Variants in PRR22 observed in about 807,000 individuals in gnomAD.
The protein encoded by PRR22 is proline rich 22.
PRR22 carries 5 observed loss-of-function variants against 7.2 expected under a neutral mutation model. The ratio of observed to expected loss-of-function variants is 0.69; its 90% CI spans 0.36 to 1.45. The LOEUF is 1.45. Ranked by LOEUF, PRR22 falls within the 40% of genes most tolerant of loss-of-function variation. The pLI is 0.03. For synonymous variants in PRR22, 319 were observed against 269.3 expected, an observed-to-expected ratio of 1.18 and a Z score of -1.81; for missense variants, 619 against 568.8, an observed-to-expected ratio of 1.09 and a Z score of -0.90.
chr19:5,783,256 G>A lies in PRR22; in HGVS notation c.991C>T (p.Leu331=), dbSNP rs772915361. Residue 331 remains leucine (L), a synonymous_variant, in exon 3 of 3, where the codon CTG becomes TTG. Transcript: ENST00000419421. ...TCAAAGGACAGCAGCTCCTCGGGCA[G>A]GCACAGCGAGCGGATGTCATCGGCT... is the stretch of plus-strand genomic sequence containing the variant. ...NSADDIRSLC[L]PEELLSFDYS... 199 of 1,612,732 alleles carry A rather than the reference G, an allele frequency of 1.2e-4. No homozygotes were observed. The highest frequency in any genetic ancestry group is 1.6e-4 in the Non-Finnish European group (193 of 1,179,998).
In PRR22 at chr19:5,784,672, G is replaced by A. The variant is rs2056822286; in HGVS notation, c.-12C>T. On this transcript the variant is annotated 5_prime_UTR_variant, in exon 1 of 3. Coordinates refer to ENST00000419421, the MANE Select transcript of PRR22 (RefSeq NM_001134316.2). ...TTGGGGTGCTGCATGGGGCAGCGGG[G>A]GGCCCGGTCCAGACAGGCCAGGAGG... is the stretch of plus-strand genomic sequence containing the variant. 6.5e-7 allele frequency: 1 copy of A among 1,533,120 alleles called. No homozygotes were observed. The allele number at this position is 1,533,120 out of a possible 1,614,324, so 95.0% of individuals were successfully genotyped here. A position where few individuals can be genotyped will look rare whatever the true frequency, so the allele number is the denominator to read the frequency against.
In PRR22 at chr19:5,783,887, G is replaced by A; in HGVS notation, c.360C>T (p.Pro120=). The A allele has an allele frequency of 6.4e-7, 1 of 1,573,308 alleles. No individual in the cohort carries two copies. Among genetic ancestry groups the A allele is most frequent in the Non-Finnish European group, 8.6e-7 (1 of 1,160,690 alleles). Residue 120 remains proline (P), a synonymous_variant, in exon 3 of 3, where the codon CCC becomes CCT. Coordinates refer to ENST00000419421, the MANE Select transcript of PRR22 (RefSeq NM_001134316.2). ...GAGGCAGCCCCGGGGCCTTGAGGTA[G>A]GGCTGAGGCTCCAGGAGGTAGCTGC... is the stretch of plus-strand genomic sequence containing the variant. ...APGSYLLEPQ[P]YLKAPGLPPY... is the part of the protein sequence containing the mutation.
Position 5,784,432 on chromosome 19 carries a change from C to A in PRR22, c.138G>T (p.Leu46Phe). 1.9e-6 allele frequency: 3 copies of A among 1,561,668 alleles called. No homozygotes were observed. Among genetic ancestry groups the A allele is most frequent in the Non-Finnish European group, 2.6e-6 (3 of 1,152,672 alleles). Reference sequence around the variant, plus strand: ...CTGGGTCTGGGGGATGATACAGGTTCAAGGAGCCTGTGGACAAAGGTGCCC... The same window carrying A: ...CTGGGTCTGGGGGATGATACAGGTTAAAGGAGCCTGTGGACAAAGGTGCCC... ...CAEPPPAMGS[L>F]NLYHPPDPEK... The change falls in exon 2 of 3, where the codon TTG becomes TTT. Residue 46 changes from leucine (L) to phenylalanine (F), a missense_variant. By Grantham distance (22) the Leu-to-Phe change is conservative. Coordinates refer to ENST00000419421, the MANE Select transcript of PRR22 (RefSeq NM_001134316.2).
In PRR22 at chr19:5,783,614, G is replaced by A. The variant is rs1430132900; in HGVS notation, c.633C>T (p.Tyr211=). Residue 211 remains tyrosine (Y), a synonymous_variant, in exon 3 of 3, where the codon TAC becomes TAT. Transcript: ENST00000419421. ...PAEPTLPPDA[Y]SHLQGHLGHF... Reference sequence around the variant, plus strand: ...GGCCGAGGTGACCCTGGAGGTGGCTGTAGGCGTCTGGGGGCAGTGTGGGCT... The same window carrying A: ...GGCCGAGGTGACCCTGGAGGTGGCTATAGGCGTCTGGGGGCAGTGTGGGCT... 3 of 1,607,904 alleles carry A rather than the reference G, an allele frequency of 1.9e-6. No individual in the cohort carries two copies. Among genetic ancestry groups the A allele is most frequent in the African/African-American group, 1.3e-5 (1 of 74,792 alleles).
Position 5,783,016 on chromosome 19 carries a change from G to C in PRR22, c.1231C>G (p.Pro411Ala), listed in dbSNP as rs761597151. The C allele has an allele frequency of 6.5e-7, 1 of 1,549,634 alleles. No homozygotes were observed. The highest frequency in any genetic ancestry group is 1.2e-5 in the South Asian group (1 of 80,018). Reference protein sequence around the residue: ...QPAGPASATPPGPREDLGATP... With the variant: ...QPAGPASATPAGPREDLGATP... ...GCTCCCAGGTCCTCCCTGGGCCCCG[G>C]GGGAGTGGCGCTGGCTGGGCCTGCC... The change falls in exon 3 of 3, where the codon CCG (proline) becomes GCG (alanine). Residue 411 changes from proline to alanine, a missense_variant. Transcript: ENST00000419421.
Position 5,783,257 on chromosome 19 carries a change from G to A in PRR22, c.990C>T (p.Cys330=), listed in dbSNP as rs1234483788. The A allele has an allele frequency of 2.5e-6, 4 of 1,612,720 alleles. No individual in the cohort carries two copies. The highest frequency in any genetic ancestry group is 3.3e-5 in the Admixed American group (2 of 59,998). ...CAAAGGACAGCAGCTCCTCGGGCAG[G>A]CACAGCGAGCGGATGTCATCGGCTG... ...GNSADDIRSL[C]LPEELLSFDY... The change falls in exon 3 of 3, where the codon TGC becomes TGT. Residue 330 remains cysteine (C), a synonymous_variant. Coordinates refer to ENST00000419421, the MANE Select transcript of PRR22 (RefSeq NM_001134316.2).
Position 5,783,358 on chromosome 19 carries a change from G to A in PRR22, c.889C>T (p.Pro297Ser), listed in dbSNP as rs757260642. 1.2e-6 allele frequency: 2 copies of A among 1,612,672 alleles called. No homozygotes were observed. The highest frequency in any genetic ancestry group is 4.5e-5 in the East Asian group (2 of 44,868). Residue 297 changes from proline (P) to serine (S), a missense_variant, in exon 3 of 3, where the codon CCA becomes TCA. Transcript: ENST00000419421. ...EDAMKLFDCL[P>S]GASEPEGTLC... ...GTACCCTCAGGCTCAGAGGCGCCTG[G>A]CAGGCAGTCGAAGAGCTTCATGGCG... is the stretch of plus-strand genomic sequence containing the variant.
At position 5,783,237 on chromosome 19, in the gene PRR22, G is replaced by A. The variant is rs1452539841; in HGVS notation, c.1010C>T (p.Ser337Phe). 3 of 1,612,816 alleles carry A rather than the reference G, an allele frequency of 1.9e-6. No individual in the cohort carries two copies. In the South Asian group the frequency reaches 3.3e-5, roughly 18 times the overall value. Residue 337 changes from serine to phenylalanine, a missense_variant, in exon 3 of 3, where the codon TCC becomes TTC. Physicochemically the swap from Ser to Phe is radical, Grantham distance 155 (BLOSUM62 -2). Coordinates refer to ENST00000419421, the MANE Select transcript of PRR22 (RefSeq NM_001134316.2). The part of the protein sequence containing the change: ...RSLCLPEELL[S>F]FDYSVPEILD... ...GATCTCAGGCACGCTGTAGTCAAAG[G>A]ACAGCAGCTCCTCGGGCAGGCACAG...
rs373852291 is a variant in PRR22, at chr19:5,784,361, C to G, written c.193+16G>C. The G allele has an allele frequency of 3.1e-6, 5 of 1,609,982 alleles. No individual in the cohort carries two copies. The South Asian group carries it at 3.3e-5, about 11-fold the overall frequency. On this transcript the variant is annotated intron_variant, in intron 2 of 2. Transcript: ENST00000419421. The stretch of plus-strand genomic sequence containing the variant: ...CCCACTCCCAGCCTCGTCAAGGGCT[C>G]AGGGGAGGCCGGTACCTGCTGGTGG...
At chr19:5,784,237 T>TC (rs1331024554) in intron 2 of PRR22, 140 bp downstream of exon 2, 1 of 1,088,262 alleles carries the variant, frequency 9.2e-7, no homozygotes, top group East Asian at 2.4e-5. Flanking sequence ...TCTTTGGGGC[T>TC]CATCTGGGGG....
At position 5,783,938 on chromosome 19, in the gene PRR22, C is replaced by T. The variant is rs199763410; in HGVS notation, c.309G>A (p.Gly103=). The T allele has an allele frequency of 1.1e-4, 178 of 1,586,216 alleles. No individual in the cohort carries two copies. Among genetic ancestry groups the T allele is most frequent in the Admixed American group, 4.0e-4 (22 of 54,406 alleles). The change falls in exon 3 of 3, where the codon GGG becomes GGA. Residue 103 remains glycine (G), a synonymous_variant. Transcript: ENST00000419421. ...CTGGGGCGGAGGGGACCCCCGCTGGCCCCCCGCTGCTTGCTGCCAGCTTAT... is the reference window on the plus strand; with the variant it reads ...CTGGGGCGGAGGGGACCCCCGCTGGTCCCCCGCTGCTTGCTGCCAGCTTAT... The part of the protein sequence containing the change: ...ALYKLAASSG[G]PAGVPSAPGS...
Position 5,784,666 on chromosome 19 carries a change from A to G in PRR22, c.-6T>C. 3 of 1,533,656 alleles carry G rather than the reference A, an allele frequency of 2.0e-6. No individual in the cohort carries two copies. Among genetic ancestry groups the G allele is most frequent in the Non-Finnish European group, 2.6e-6 (3 of 1,146,592 alleles). ...AACGGTTTGGGGTGCTGCATGGGGC[A>G]GCGGGGGGCCCGGTCCAGACAGGCC... On this transcript the variant is annotated 5_prime_UTR_variant, in exon 1 of 3. Transcript: ENST00000419421.
chr19:5,783,310 C>A lies in PRR22; in HGVS notation c.937G>T (p.Ala313Ser). Residue 313 changes from alanine (A) to serine (S), a missense_variant, in exon 3 of 3, where the codon GCC becomes TCC. Physicochemically the swap from Ala to Ser is moderately conservative, Grantham distance 99. Transcript: ENST00000419421. The stretch of plus-strand genomic sequence containing the variant: ...TTCCCACCACTGCTGTCAGGCAGGG[C>A]CGGCCCAGGGACCTCGCACAGGGTA... Reference protein sequence around the residue: ...EGTLCEVPGPALPDSSGGNSA... With the variant: ...EGTLCEVPGPSLPDSSGGNSA... 6.2e-7 allele frequency: 1 copy of A among 1,612,780 alleles called. No individual in the cohort carries two copies. Among genetic ancestry groups the A allele is most frequent in the African/African-American group, 1.3e-5 (1 of 75,062 alleles).
Position 5,783,160 on chromosome 19 carries a change from C to T in PRR22, c.1087G>A (p.Glu363Lys), listed in dbSNP as rs1054508120. The T allele has an allele frequency of 7.4e-6, 12 of 1,612,414 alleles. No homozygotes were observed. The highest frequency in any genetic ancestry group is 1.7e-5 in the Admixed American group (1 of 59,970). ...GGCCCCGGGTGGGGCGGCTGCTCCT[C>T]GTCGAGCGCCTTGAAGTTGAAGAAG... ...DYFFNFKALDEEQPPHPGPPA... is the reference protein window; with the variant it reads ...DYFFNFKALDKEQPPHPGPPA... Residue 363 changes from glutamate (E) to lysine (K), a missense_variant, in exon 3 of 3, where the codon GAG becomes AAG. Glu to Lys is a moderately conservative substitution (Grantham distance 56, BLOSUM62 1). Transcript: ENST00000419421.
chr19:5,784,033 C>T lies in PRR22; in HGVS notation c.214G>A (p.Gly72Arg), dbSNP rs1201572659. The change falls in exon 3 of 3, where the codon GGG becomes AGG. Residue 72 changes from glycine (G) to arginine (R), a missense_variant. Coordinates refer to ENST00000419421, the MANE Select transcript of PRR22 (RefSeq NM_001134316.2). The part of the protein sequence containing the change: ...PPAGFQMAPC[G>R]CFFDPRIYRI... The stretch of plus-strand genomic sequence containing the variant: ...TAGATGCGGGGGTCGAAGAAGCACC[C>T]GCATGGGGCCATCTGGAAACCTGTG... 1.8e-5 allele frequency: 29 copies of T among 1,611,150 alleles called. No individual in the cohort carries two copies. Among genetic ancestry groups the T allele is most frequent in the South Asian group, 4.4e-5 (4 of 90,988 alleles).
rs772434958 is a variant in PRR22, at chr19:5,783,062, C to T, written c.1185G>A (p.Pro395=). ...CTGCCGGCTGCCTGGCCTTCCTTCCCGGCTTTCCCTTCTTGGCCGTCGAGG... is the reference window on the plus strand; with the variant it reads ...CTGCCGGCTGCCTGGCCTTCCTTCCTGGCTTTCCCTTCTTGGCCGTCGAGG... ...RKASTAKKGK[P]GRKARQPAGP... is the part of the protein sequence containing the mutation. The change falls in exon 3 of 3, where the codon CCG becomes CCA. Residue 395 remains proline (P), a synonymous_variant. Transcript: ENST00000419421. 4.8e-5 allele frequency: 76 copies of T among 1,589,918 alleles called. No homozygotes were observed. Among genetic ancestry groups the T allele is most frequent in the East Asian group, 9.0e-5 (4 of 44,576 alleles).
In PRR22 at chr19:5,783,644, A is replaced by C; in HGVS notation, c.603T>G (p.Pro201=). ...CGTCTGGGGGCAGTGTGGGCTCTGCAGGCAGCGTGATGAGTACAGGGGGCG... is the reference window on the plus strand; with the variant it reads ...CGTCTGGGGGCAGTGTGGGCTCTGCCGGCAGCGTGATGAGTACAGGGGGCG... ...NKPPPVLITL[P]AEPTLPPDAY... The change falls in exon 3 of 3, where the codon CCT becomes CCG. Residue 201 remains proline, a synonymous_variant. Coordinates refer to ENST00000419421, the MANE Select transcript of PRR22 (RefSeq NM_001134316.2). 1 of 1,470,026 alleles carries C rather than the reference A, an allele frequency of 6.8e-7. No individual in the cohort carries two copies. Among genetic ancestry groups the C allele is most frequent in the Non-Finnish European group, 9.1e-7 (1 of 1,099,426 alleles). 91.1% of individuals were successfully genotyped at this position (1,470,026 alleles called of 1,614,324 possible). A position where few individuals can be genotyped will look rare whatever the true frequency, so the allele number is the denominator to read the frequency against.
chr19:5,784,319 G>C lies in PRR22; in HGVS notation c.193+58C>G. 3 of 1,560,792 alleles carry C rather than the reference G, an allele frequency of 1.9e-6. 1 individual carries two copies. In the South Asian group the frequency reaches 3.5e-5, roughly 18 times the overall value. On this transcript the variant is annotated intron_variant, in intron 2 of 2. Transcript: ENST00000419421. ...CTTAGGGACGGGGCAGGGGCAAGAT[G>C]GGCCTGCACACTCAAACCCACTCCC... is the stretch of plus-strand genomic sequence containing the variant.
In PRR22 at chr19:5,784,213, T is replaced by G. The variant is rs1437893635; in HGVS notation, c.194-160A>C. On this transcript the variant is annotated intron_variant, in intron 2 of 2. Coordinates refer to ENST00000419421, the MANE Select transcript of PRR22 (RefSeq NM_001134316.2). ...TTTGGGGCCCTGGCTGGGTGATGGATGACACAGAGCTTGTCTTTGGGGCTC... is the reference window on the plus strand; with the variant it reads ...TTTGGGGCCCTGGCTGGGTGATGGAGGACACAGAGCTTGTCTTTGGGGCTC... 3.7e-6 allele frequency: 4 copies of G among 1,073,942 alleles called. No individual in the cohort carries two copies. The South Asian group carries it at 5.1e-5, about 14-fold the overall frequency. The allele number at this position is 1,073,942 out of a possible 1,614,324, so 66.5% of individuals were successfully genotyped here.
Sources: gnomAD v4.1 joint callset for allele counts on GRCh38, gnomAD v4.1.1 for gene constraint, MANE v1.5 for transcripts, NCBI Gene and HGNC (gene_info 2026-07-23, HGNC 2026-07-21) for gene names.